Variants in LRRCC1 observed in about 807,000 individuals in gnomAD.
The protein encoded by LRRCC1 is leucine-rich repeat and coiled-coil domain-containing protein 1.
In LRRCC1, 115 loss-of-function variants were observed where a neutral mutation model predicts 126.0. That is an observed-to-expected ratio of 0.91 (90% CI 0.78 to 1.07). The LOEUF is 1.07. Ranked by LOEUF, LRRCC1 falls within the 50% of genes least tolerant of loss-of-function variation. The probability of loss-of-function intolerance (pLI) is 0.00; values close to 1 mark genes in which losing one functional copy is unlikely to be tolerated. For missense variants in LRRCC1, 1,172 were observed against 1,175.7 expected, an observed-to-expected ratio of 1.00 and a Z score of 0.05; for synonymous variants, 400 against 393.4, an observed-to-expected ratio of 1.02 and a Z score of -0.20.
At chr8:85,137,083 T>C (rs1810928328) in intron 14 of LRRCC1, among the ~76,000 whole-genome samples, 1 of 152,230 alleles carries the variant, frequency 6.6e-6, no homozygotes, top group African/African-American at 2.4e-5. Context: ...CACCTCAGCT[T>C]CCTAAAGTGC....
chr8:85,112,381 G>A (rs879638958), intron 3 of LRRCC1, among the ~76,000 whole-genome samples: 37 of 152,266 alleles, frequency 2.4e-4, no homozygotes, highest in Middle Eastern at 6.8e-3. Flanking sequence ...TGCTTGAAGG[G>A]TACACTGGCA....
intron 3 of LRRCC1, among the ~76,000 whole-genome samples, chr8:85,110,994 A>T (rs1808667195): frequency 6.6e-6 from 1 of 152,216 alleles, no homozygotes. Context: ...AAAAATAAAA[A>T]GACCTAGTCT....
Position 85,146,041 on chromosome 8 carries a change from T to C in LRRCC1, c.*530T>C, listed in dbSNP as rs978444280. On this transcript the variant is annotated 3_prime_UTR_variant, in exon 19 of 19. Coordinates refer to ENST00000360375, the MANE Select transcript of LRRCC1 (RefSeq NM_033402.5). ...TTATGACCCCTTCTTTTATAATGCT[T>C]ATATCTTTTCATTAAAGATTACATT... 1 of 152,206 alleles carries C rather than the reference T, an allele frequency of 6.6e-6. No individual in the cohort carries two copies. Among genetic ancestry groups the C allele is most frequent in the Non-Finnish European group, 1.5e-5 (1 of 68,032 alleles). 9.4% of individuals were successfully genotyped at this position (152,206 alleles called of 1,614,324 possible).
intron 14 of LRRCC1, among the ~76,000 whole-genome samples, chr8:85,136,280 T>C (rs1810861003): frequency 8.2e-6 from 1 of 121,674 alleles, no homozygotes; most frequent in Non-Finnish European, 2.0e-5. Flanking sequence ...AAAATAATTC[T>C]TTTTTTTTTT....
chr8:85,132,896 C>G (rs1380338109), intron 12 of LRRCC1, among the ~76,000 whole-genome samples: 1 of 152,182 alleles, frequency 6.6e-6, no homozygotes, highest in East Asian at 1.9e-4. Context: ...TTCTTTCTTA[C>G]TCTCTTACAT....
At chr8:85,124,726 T>C (rs561249377) in intron 7 of LRRCC1, 66 bp from the exon 8 acceptor site, 2 of 1,033,860 alleles carry the variant, frequency 1.9e-6, no homozygotes, top group Admixed American at 5.6e-5. Context: ...CTAGAAATGT[T>C]AATTTAGAGA....
At chr8:85,128,104 G>T (rs1810153191) in intron 9 of LRRCC1, among the ~76,000 whole-genome samples, 2 of 152,106 alleles carry the variant, frequency 1.3e-5, no homozygotes, top group Non-Finnish European at 1.5e-5. Context: ...AGTGTTGTAG[G>T]AGTTGTTTTT....
chr8:85,124,381 C>A (rs1809804698), intron 7 of LRRCC1, among the ~76,000 whole-genome samples: 1 of 152,108 alleles, frequency 6.6e-6, no homozygotes, highest in African/African-American at 2.4e-5. Flanking sequence ...CCTGGAATTT[C>A]TTTGGTCCTA....
At chr8:85,123,827 T>C (rs1339799590) in intron 7 of LRRCC1, among the ~76,000 whole-genome samples, 1 of 152,164 alleles carries the variant, frequency 6.6e-6, no homozygotes, top group Non-Finnish European at 1.5e-5. Flanking sequence ...TGTATAAACC[T>C]GAAGATATCT....
chr8:85,136,095 A>G, intron 14 of LRRCC1, 132 bp downstream of exon 14: 1 of 680,690 alleles, frequency 1.5e-6, no homozygotes, highest in Admixed American at 4.0e-5. Context: ...CTGGAAGGAT[A>G]AGTAGGCATT....
chr8:85,144,467 TATATA>T (rs1563963566), intron 18 of LRRCC1, among the ~76,000 whole-genome samples: 4 of 18,600 alleles, frequency 2.2e-4, no homozygotes, highest in African/African-American at 1.0e-3. Flanking sequence ...TATATATATA[TATATA>T]TATTTTTTTT....
chr8:85,145,111 A>ATG (rs1416619067), intron 18 of LRRCC1, among the ~76,000 whole-genome samples: 4 of 72,960 alleles, frequency 5.5e-5, no homozygotes, highest in South Asian at 3.8e-4. Flanking sequence ...ATATAAATAT[A>ATG]TGTGTGTATA....
chr8:85,131,062 C>T (rs747043633), intron 11 of LRRCC1, among the ~76,000 whole-genome samples: 1 of 152,036 alleles, frequency 6.6e-6, no homozygotes, highest in Non-Finnish European at 1.5e-5. Context: ...GTATTTATTC[C>T]GAAACCTGTT....
intron 9 of LRRCC1, among the ~76,000 whole-genome samples, chr8:85,127,611 T>C (rs555264027): frequency 6.6e-6 from 1 of 152,324 alleles, no homozygotes; most frequent in South Asian, 2.1e-4. Context: ...GATAAGTTGA[T>C]GTACACAGTT....
At chr8:85,128,398 G>T (rs1810173905) in intron 9 of LRRCC1, among the ~76,000 whole-genome samples, 1 of 151,642 alleles carries the variant, frequency 6.6e-6, no homozygotes, top group Admixed American at 6.6e-5. Flanking sequence ...AATCTTTTCT[G>T]ATTCTTCTTT....
intron 17 of LRRCC1, among the ~76,000 whole-genome samples, chr8:85,140,801 C>G (rs546536900): frequency 7.8e-4 from 118 of 152,214 alleles, no homozygotes; most frequent in African/African-American, 2.7e-3. Context: ...GGTGGCTCAC[C>G]TCTGTAATCC....
intron 13 of LRRCC1, 44 bp from the exon 14 acceptor site, chr8:85,135,745 C>T: frequency 8.7e-7 from 1 of 1,155,162 alleles, no homozygotes; most frequent in Non-Finnish European, 1.1e-6. Context: ...GAAAATAAAG[C>T]ACTTAATATA....
At chr8:85,125,562 A>C (rs1297842354) in intron 8 of LRRCC1, among the ~76,000 whole-genome samples, 1 of 144,222 alleles carries the variant, frequency 6.9e-6, no homozygotes, top group African/African-American at 2.6e-5. Flanking sequence ...AGTCCCAGCT[A>C]CTTGGGAGGC....
rs1215426733 is a variant in LRRCC1 at position 85,107,529 on chromosome 8, T to G, written c.104+130T>G. ...AGACCATAAGTGAACGCAGTCTGGC[T>G]TTCGGCCTCCCCGCTCCTCCAAAAC... On this transcript the variant is annotated intron_variant, in intron 1 of 18. Coordinates refer to ENST00000360375, the MANE Select transcript of LRRCC1 (RefSeq NM_033402.5). The G allele has an allele frequency of 1.6e-5, 12 of 765,834 alleles. 1 individual carries two copies. In the East Asian group the frequency reaches 3.3e-4, roughly 21 times the overall value. The allele number at this position is 765,834 out of a possible 1,614,324, so 47.4% of individuals were successfully genotyped here. A position where few individuals can be genotyped will look rare whatever the true frequency, so the allele number is the denominator to read the frequency against.
Sources: gnomAD v4.1 joint callset for allele counts (sites outside exome capture counted in the v4.1 genomes callset) on GRCh38, gnomAD v4.1.1 for gene constraint, MANE v1.5 for transcripts, NCBI Gene and HGNC (gene_info 2026-07-23, HGNC 2026-07-21) for gene names.